PRTG: variants seen among roughly 807,000 people sequenced by gnomAD.
PRTG encodes protogenin.
A neutral mutation model predicts 122.5 loss-of-function variants in PRTG; 67 were observed. The ratio of observed to expected loss-of-function variants is 0.55; its 90% CI spans 0.45 to 0.67. PRTG has a LOEUF of 0.67. Among genes scored for constraint, PRTG ranks in the 30% least tolerant of loss-of-function variants. The pLI is 0.00. For missense variants in PRTG, 1,435 were observed against 1,415.4 expected, an observed-to-expected ratio of 1.01 and a Z score of -0.22; for synonymous variants, 554 against 501.1, an observed-to-expected ratio of 1.11 and a Z score of -1.41.
intron 2 of PRTG, among the ~76,000 whole-genome samples, chr15:55,710,045 T>C (rs1278401677): frequency 6.6e-6 from 1 of 152,146 alleles, no homozygotes; most frequent in African/African-American, 2.4e-5. Context: ...ACCCGGCATA[T>C]GTGGGCATAT....
rs541210643 is a variant in PRTG at position 55,681,978 on chromosome 15, C to T, written c.676+386G>A. On this transcript the variant is annotated intron_variant, in intron 4 of 19. Coordinates refer to ENST00000389286, the MANE Select transcript of PRTG (RefSeq NM_173814.6). ...TAAAATATAGTATAACAATGATTTA[C>T]ATAGAATTTACATTGTTAGGTATTA... is the stretch of plus-strand genomic sequence containing the variant. Among the ~76,000 whole-genome samples the T allele has an allele frequency of 5.3e-5, 8 of 152,124 alleles. 1 individual carries two copies. The highest frequency in any genetic ancestry group is 1.9e-4 in the African/African-American group (8 of 41,476).
chr15:55,719,837 T>A (rs1363871044), intron 2 of PRTG, among the ~76,000 whole-genome samples: 7 of 152,074 alleles, frequency 4.6e-5, no homozygotes, highest in African/African-American at 1.7e-4. Context: ...GGTGGGCAGA[T>A]CACCTGAGGT....
intron 2 of PRTG, among the ~76,000 whole-genome samples, chr15:55,717,913 G>A (rs1218242102): frequency 1.3e-5 from 2 of 152,084 alleles, no homozygotes; most frequent in South Asian, 2.1e-4. Flanking sequence ...ACATGGACGC[G>A]CATGAAAGTT....
At chr15:55,639,273 T>C (rs369840530) in intron 13 of PRTG, among the ~76,000 whole-genome samples, 1 of 152,326 alleles carries the variant, frequency 6.6e-6, no homozygotes, top group African/African-American at 2.4e-5. Flanking sequence ...GGCATCTTTC[T>C]TAACTCTAAC....
chr15:55,653,567 G>A (rs1567084664), intron 11 of PRTG, among the ~76,000 whole-genome samples: 1 of 151,732 alleles, frequency 6.6e-6, no homozygotes, highest in Non-Finnish European at 1.5e-5. Flanking sequence ...GAGTTCAAGT[G>A]ATTCTCCTGC....
chr15:55,641,135 A>T lies in PRTG; in HGVS notation c.2115T>A (p.Thr705=). The change falls in exon 12 of 20, where the codon ACT becomes ACA. Residue 705 remains threonine (T), a synonymous_variant. Coordinates refer to ENST00000389286, the MANE Select transcript of PRTG (RefSeq NM_173814.6). ...TACACACGCATCCTGGAGTGCTGACAGTCTGATCTGCCTGATAGCCATCGT... is the reference window on the plus strand; with the variant it reads ...TACACACGCATCCTGGAGTGCTGACTGTCTGATCTGCCTGATAGCCATCGT... ...NIDDGYQADQ[T]VSTPGCVSVR... is the part of the protein sequence containing the mutation. 6.2e-7 allele frequency: 1 copy of T among 1,613,806 alleles called. No individual in the cohort carries two copies. The highest frequency in any genetic ancestry group is 8.5e-7 in the Non-Finnish European group (1 of 1,179,686).
chr15:55,700,767 A>T (rs1283916812), intron 2 of PRTG, among the ~76,000 whole-genome samples: 1 of 151,950 alleles, frequency 6.6e-6, no homozygotes, highest in Non-Finnish European at 1.5e-5. Context: ...GGCAACGGAG[A>T]CTCTGTCTCT....
intron 15 of PRTG, among the ~76,000 whole-genome samples, chr15:55,636,111 TAA>T (rs545080280): frequency 2.8e-5 from 4 of 142,370 alleles, no homozygotes; most frequent in South Asian, 2.2e-4. Flanking sequence ...GATTCTGTCT[TAA>T]AAAAAAAAAA....
At chr15:55,678,816 A>C (rs1295322960) in intron 7 of PRTG, among the ~76,000 whole-genome samples, 1 of 152,218 alleles carries the variant, frequency 6.6e-6, no homozygotes, top group Non-Finnish European at 1.5e-5. Flanking sequence ...AAAATTTTTA[A>C]GTTTTGTTCA....
At chr15:55,700,510 G>A (rs899464062) in intron 2 of PRTG, among the ~76,000 whole-genome samples, 5 of 152,098 alleles carry the variant, frequency 3.3e-5, no homozygotes, top group African/African-American at 7.2e-5. Context: ...GGCTGGCAAC[G>A]GTGGCTCATG....
In PRTG at chr15:55,615,103, G is replaced by T. The variant is rs2059136229; in HGVS notation, c.*4909C>A. Reference sequence around the variant, plus strand: ...GGACAAAGAGAAATGATAACGGAAGGAGCTTCAGAGAGATGCTACATGGCT... The same window carrying T: ...GGACAAAGAGAAATGATAACGGAAGTAGCTTCAGAGAGATGCTACATGGCT... On this transcript the variant is annotated 3_prime_UTR_variant, in exon 20 of 20. Transcript: ENST00000389286. 1 of 152,048 alleles carries T rather than the reference G, an allele frequency of 6.6e-6. No individual in the cohort carries two copies. The highest frequency in any genetic ancestry group is 2.4e-5 in the African/African-American group (1 of 41,412). The allele number at this position is 152,048 out of a possible 1,614,324, so 9.4% of individuals were successfully genotyped here.
At chr15:55,622,240 CAG>C (rs1230381598) in intron 18 of PRTG, among the ~76,000 whole-genome samples, 7 of 109,292 alleles carry the variant, frequency 6.4e-5, no homozygotes, top group Admixed American at 4.4e-4. Context: ...TTTTTTGAGA[CAG>C]AGTCTCGTTC....
chr15:55,639,007 T>C (rs74460741), intron 13 of PRTG, among the ~76,000 whole-genome samples: 2,216 of 152,170 alleles, frequency 0.015, 57 homozygotes, highest in African/African-American at 0.047. Flanking sequence ...GGTCTTGCTG[T>C]GTTATTCAGG....
intron 11 of PRTG, among the ~76,000 whole-genome samples, chr15:55,653,150 GA>G (rs2059362022): frequency 6.6e-6 from 1 of 152,164 alleles, no homozygotes; most frequent in African/African-American, 2.4e-5. Context: ...ATAATATATA[GA>G]AGATTTGAGT....
chr15:55,628,909 A>T lies in PRTG; in HGVS notation c.2719T>A (p.Ser907Thr), dbSNP rs2059210343. The change falls in exon 16 of 20, where the codon TCA becomes ACA. Residue 907 changes from serine to threonine, a missense_variant. Ser to Thr is a moderately conservative substitution (Grantham distance 58). Transcript: ENST00000389286. ...AGTACTGCCAGCTCCACAGAATTTG[A>T]AAAGGGTCCTTCTCCCACCTCATTG... ...ASNEVGEGPF[S>T]NSVELAVLPK... 1 of 1,613,864 alleles carries T rather than the reference A, an allele frequency of 6.2e-7. No homozygotes were observed. The highest frequency in any genetic ancestry group is 8.5e-7 in the Non-Finnish European group (1 of 1,179,872).
intron 2 of PRTG, among the ~76,000 whole-genome samples, chr15:55,716,773 G>A (rs1250625622): frequency 6.6e-6 from 1 of 152,118 alleles, no homozygotes; most frequent in Admixed American, 6.5e-5. Context: ...GATTTTAACA[G>A]CAGCGTGGAA....
At chr15:55,659,149 G>A (rs1030315877) in intron 11 of PRTG, among the ~76,000 whole-genome samples, 2 of 152,170 alleles carry the variant, frequency 1.3e-5, no homozygotes, top group African/African-American at 4.8e-5. Context: ...TCTTACAGCA[G>A]CCCACATTTG....
intron 3 of PRTG, 33 bp from the exon 4 acceptor site, chr15:55,682,530 T>G (rs1441400903): frequency 8.1e-7 from 1 of 1,228,200 alleles, no homozygotes; most frequent in Non-Finnish European, 1.1e-6. Context: ...AAACTTTTTG[T>G]AGTAGATTTC....
chr15:55,727,024 G>A (rs1287686637), intron 2 of PRTG, among the ~76,000 whole-genome samples: 3 of 151,168 alleles, frequency 2.0e-5, no homozygotes, highest in African/African-American at 7.3e-5. Context: ...AGTGCTCAGA[G>A]GGAAACTGGT....
Sources: allele counts gnomAD v4.1 joint callset (sites outside exome capture counted in the v4.1 genomes callset), GRCh38; gene constraint gnomAD v4.1.1; transcripts MANE v1.5; gene names NCBI Gene and HGNC (gene_info 2026-07-23, HGNC 2026-07-21).